The following IQCJ variants were observed in gnomAD, a reference collection of about 807,000 sequenced individuals.
IQCJ encodes the protein IQ motif containing J.
A neutral mutation model predicts 11.0 loss-of-function variants in IQCJ; 9 were observed. The observed-to-expected ratio is 0.82, with a 90% CI of 0.49 to 1.43. The LOEUF is 1.43. IQCJ is among the 40% of genes most tolerant of loss of function. The probability of loss-of-function intolerance (pLI) is 0.00; values close to 1 mark genes in which losing one functional copy is unlikely to be tolerated. For missense variants in IQCJ, 146 were observed against 133.2 expected, an observed-to-expected ratio of 1.10 and a Z score of -0.47; for synonymous variants, 55 against 51.3, an observed-to-expected ratio of 1.07 and a Z score of -0.31.
At chr3:159,238,824 T>C (rs886205082) in intron 1 of IQCJ, among the ~76,000 whole-genome samples, 1 of 152,074 alleles carries the variant, frequency 6.6e-6, no homozygotes, top group African/African-American at 2.4e-5. Flanking sequence ...ATCATTTGAC[T>C]GGGCTCAGAG....
downstream of IQCJ, chr3:159,265,222 G>C (rs747008270): frequency 6.2e-7 from 1 of 1,613,318 alleles, no homozygotes. Flanking sequence ...CAGTTTGCCA[G>C]GGCCCCTGTT....
intron 1 of IQCJ, among the ~76,000 whole-genome samples, chr3:159,222,176 C>T (rs574231158): frequency 6.6e-6 from 1 of 152,192 alleles, no homozygotes; most frequent in East Asian, 1.9e-4. Flanking sequence ...GAAATCAGTG[C>T]CTCAAAGACA....
At position 159,146,987 on chromosome 3, in the gene IQCJ, C is replaced by T. The variant is rs149132775; in HGVS notation, c.9+77546C>T. ...AAATAAATGAACAACGGCTATATCC[C>T]TGTTTTTTACACAGAGGTTTTCAGC... On this transcript the variant is annotated intron_variant, in intron 1 of 3. Transcript: ENST00000397832. 3.9e-5 allele frequency among the ~76,000 whole-genome samples: 6 copies of T among 152,280 alleles called. 1 individual carries two copies. The highest frequency in any genetic ancestry group is 1.4e-4 in the African/African-American group (6 of 41,568).
intron 1 of IQCJ, among the ~76,000 whole-genome samples, chr3:159,158,718 T>C (rs1178573188): frequency 6.6e-6 from 1 of 152,242 alleles, no homozygotes; most frequent in African/African-American, 2.4e-5. Context: ...GAATTGGCAG[T>C]ACCTGTGACT....
intron 1 of IQCJ, among the ~76,000 whole-genome samples, chr3:159,216,435 T>G (rs1577087123): frequency 6.6e-6 from 1 of 152,164 alleles, no homozygotes; most frequent in Non-Finnish European, 1.5e-5. Flanking sequence ...TCCCCTTAGG[T>G]CCTGCCTTAT....
chr3:159,149,266 C>A (rs1487458992), intron 1 of IQCJ, among the ~76,000 whole-genome samples: 1 of 152,070 alleles, frequency 6.6e-6, no homozygotes, highest in African/African-American at 2.4e-5. Flanking sequence ...CAATGTGAAC[C>A]AGGCTTTAAT....
chr3:159,265,515 TG>T, downstream of IQCJ: 1 of 832,782 alleles, frequency 1.2e-6, no homozygotes, highest in Non-Finnish European at 1.8e-6. Context: ...GGAACTTCTG[TG>T]TTAAAAGCCT....
chr3:159,250,266 G>A lies in IQCJ; in HGVS notation c.75-2461G>A, dbSNP rs61795192. ...AAATAATACCCCCAAATTAGCAAACGTGTTAATATTATGAAAGTTTTATTT... is the reference window on the plus strand; with the variant it reads ...AAATAATACCCCCAAATTAGCAAACATGTTAATATTATGAAAGTTTTATTT... On this transcript the variant is annotated intron_variant, in intron 2 of 3. Coordinates refer to ENST00000397832, the MANE Select transcript of IQCJ (RefSeq NM_001042706.3). Among the ~76,000 whole-genome samples, 1,472 of 152,242 alleles carry A rather than the reference G, an allele frequency of 9.7e-3. 15 individuals are homozygous for A. Among genetic ancestry groups the A allele is most frequent in the African/African-American group, 0.014 (579 of 41,544 alleles).
At chr3:159,108,951 A>G (rs970934805) in intron 1 of IQCJ, among the ~76,000 whole-genome samples, 7 of 152,196 alleles carry the variant, frequency 4.6e-5, no homozygotes, top group Non-Finnish European at 8.8e-5. Flanking sequence ...GGGGCCAACC[A>G]GCATCAAATG....
intron 1 of IQCJ, among the ~76,000 whole-genome samples, chr3:159,213,727 A>G (rs1725074022): frequency 6.6e-6 from 1 of 152,210 alleles, no homozygotes; most frequent in African/African-American, 2.4e-5. Flanking sequence ...ATGGACCCCA[A>G]ATATTAACTT....
chr3:159,262,511 T>C (rs754076299), intron 3 of IQCJ, 37 bp from the exon 4 acceptor site: 54 of 1,605,350 alleles, frequency 3.4e-5, no homozygotes, highest in African/African-American at 5.4e-5. Flanking sequence ...ACAGTAATCA[T>C]GTGTGTGCTG....
chr3:159,252,938 C>A, intron 3 of IQCJ, 131 bp downstream of exon 3: 1 of 854,808 alleles, frequency 1.2e-6, no homozygotes, highest in Non-Finnish European at 1.8e-6. Context: ...TATTTCCTCC[C>A]TCTTCTAAGC....
At chr3:159,235,239 A>T (rs779708844) in intron 1 of IQCJ, among the ~76,000 whole-genome samples, 1 of 152,184 alleles carries the variant, frequency 6.6e-6, no homozygotes, top group Non-Finnish European at 1.5e-5. Flanking sequence ...TTGAATTTTT[A>T]TAGTTGTCCT....
chr3:159,074,283 T>C (rs1031781161), intron 1 of IQCJ, among the ~76,000 whole-genome samples: 1 of 151,494 alleles, frequency 6.6e-6, no homozygotes, highest in African/African-American at 2.4e-5. Flanking sequence ...AGAAATGAGG[T>C]CTTGAGTTAG....
chr3:159,119,933 A>C (rs1044063678), intron 1 of IQCJ, among the ~76,000 whole-genome samples: 2 of 152,200 alleles, frequency 1.3e-5, no homozygotes, highest in Admixed American at 1.3e-4. Flanking sequence ...TGTGGCTTAA[A>C]AATATCTAAA....
intron 1 of IQCJ, among the ~76,000 whole-genome samples, chr3:159,222,453 C>G (rs1725606428): frequency 6.6e-6 from 1 of 152,108 alleles, no homozygotes; most frequent in Admixed American, 6.5e-5. Context: ...CATAATGTAA[C>G]TTCTGCAGGT....
chr3:159,181,779 T>C (rs1169995973), intron 1 of IQCJ, among the ~76,000 whole-genome samples: 4 of 151,868 alleles, frequency 2.6e-5, no homozygotes, highest in African/African-American at 9.7e-5. Flanking sequence ...TCCAATTCTG[T>C]GTTCCTATTG....
intron 1 of IQCJ, among the ~76,000 whole-genome samples, chr3:159,193,201 A>T (rs1368706994): frequency 6.6e-6 from 1 of 152,180 alleles, no homozygotes; most frequent in Admixed American, 6.5e-5. Context: ...GCAAACCAAG[A>T]CCTACAGACC....
At position 159,069,876 on chromosome 3, in the gene IQCJ, TGTGTGTGTGTGC is replaced by T. The variant is rs1209738872; in HGVS notation, c.9+442_9+453del. 7.4e-4 allele frequency: 268 copies of T among 364,266 alleles called. 1 individual carries two copies. Among genetic ancestry groups the T allele is most frequent in the African/African-American group, 5.6e-3 (255 of 45,586 alleles). The allele number at this position is 364,266 out of a possible 1,614,324, so 22.6% of individuals were successfully genotyped here. On this transcript the variant is annotated intron_variant, in intron 1 of 3. Transcript: ENST00000397832. ...GTGTGTGTGTGTGTGTGTGTGTGTGTGTGTGTGTGTGCGTGTGTATGGGGAGGAGGTGTTGAT... is the reference window on the plus strand; with the variant it reads ...GTGTGTGTGTGTGTGTGTGTGTGTGTGTGTGTATGGGGAGGAGGTGTTGAT...
Sources: allele counts gnomAD v4.1 joint callset (sites outside exome capture counted in the v4.1 genomes callset), GRCh38; gene constraint gnomAD v4.1.1; transcripts MANE v1.5; gene names NCBI Gene and HGNC (gene_info 2026-07-23, HGNC 2026-07-21).